EPS8L2: variants seen among roughly 807,000 people sequenced by gnomAD.
The protein encoded by EPS8L2 is epidermal growth factor receptor kinase substrate 8-like protein 2.
In EPS8L2, 81 loss-of-function variants were observed where a neutral mutation model predicts 99.4. That is an observed-to-expected ratio of 0.82 (90% CI 0.68 to 0.98). The LOEUF (loss-of-function observed/expected upper bound fraction) is 0.98, where lower values mean the gene tolerates loss of function less well. EPS8L2 is among the 50% of genes least tolerant of loss of function. EPS8L2 has a pLI of 0.00. For missense variants in EPS8L2, 1,155 were observed against 968.8 expected, an observed-to-expected ratio of 1.19 and a Z score of -2.55; for synonymous variants, 509 against 407.3, an observed-to-expected ratio of 1.25 and a Z score of -3.01.
intron 7 of EPS8L2, 25 bp from the exon 8 acceptor site, chr11:721,039 T>C: frequency 7.7e-7 from 1 of 1,294,590 alleles, no homozygotes. Flanking sequence ...CCGGCGGGGC[T>C]GAGCAGGACC....
chr11:710,223 C>G, intron 3 of EPS8L2, 199 bp from the exon 4 acceptor site: 1 of 585,874 alleles, frequency 1.7e-6, no homozygotes, highest in Non-Finnish European at 3.1e-6. Flanking sequence ...GCGTCCTTCT[C>G]CAAGGGGGCT....
chr11:722,200 G>A (rs1321813428), intron 12 of EPS8L2, 35 bp downstream of exon 12: 3 of 1,603,886 alleles, frequency 1.9e-6, no homozygotes, highest in African/African-American at 2.7e-5. Context: ...CGCGCAGGGT[G>A]GGGGCCCAGA....
rs749248354 is a variant in EPS8L2, at chr11:723,241, G to A, written c.1342G>A (p.Val448Met). The change falls in exon 15 of 21, where the codon GTG (valine) becomes ATG (methionine). Residue 448 changes from valine (V) to methionine (M), a missense_variant and splice_region_variant. Coordinates refer to ENST00000318562, the MANE Select transcript of EPS8L2 (RefSeq NM_022772.4). ...CTCAGGTCGCCCACCTTCCCCACAG[G>A]TGAGTCCAGTGAGCCGACAGTCCAT... ...EGLASAPIEEVSPVSRQSIRN... is the reference protein window; with the variant it reads ...EGLASAPIEEMSPVSRQSIRN... The A allele has an allele frequency of 1.3e-6, 2 of 1,595,356 alleles. No individual in the cohort carries two copies. Among genetic ancestry groups the A allele is most frequent in the African/African-American group, 1.4e-5 (1 of 73,708 alleles).
chr11:713,720 A>G (rs1157752096), intron 4 of EPS8L2, among the ~76,000 whole-genome samples: 2 of 152,204 alleles, frequency 1.3e-5, no homozygotes, highest in African/African-American at 4.8e-5. Flanking sequence ...AATTTTTTAT[A>G]TCTTTAGCAG....
Position 720,759 on chromosome 11 carries a change from C to CGGGCGGGGCA in EPS8L2, c.477+17_477+26dup. ...CGATGAGGTGGAGGTGAGGCGGTGC[C>CGGGCGGGGCA]GGGCGGGGCAGGGTGGGGCCCCGCC... On this transcript the variant is annotated intron_variant, in intron 6 of 20. Coordinates refer to ENST00000318562, the MANE Select transcript of EPS8L2 (RefSeq NM_022772.4). The CGGGCGGGGCA allele has an allele frequency of 9.8e-7, 1 of 1,022,920 alleles. No individual in the cohort carries two copies. Among genetic ancestry groups the CGGGCGGGGCA allele is most frequent in the Non-Finnish European group, 1.4e-6 (1 of 731,342 alleles). 63.4% of individuals were successfully genotyped at this position (1,022,920 alleles called of 1,614,324 possible).
chr11:726,045 G>A (rs1862307913), intron 17 of EPS8L2, 53 bp from the exon 18 acceptor site: 1 of 1,356,578 alleles, frequency 7.4e-7, no homozygotes, highest in Non-Finnish European at 1.0e-6. Context: ...CCGGGCAGGT[G>A]CTGGGAGGCG....
chr11:721,737 A>AGCAGGTGCAGGGGACAGGGACGGGGCCG (rs1862182041), intron 10 of EPS8L2, 46 bp downstream of exon 10: 1 of 1,274,130 alleles, frequency 7.8e-7, no homozygotes, highest in African/African-American at 2.4e-5. Flanking sequence ...GGACGGGGCC[A>AGCAGGTGCAGGGGACAGGGACGGGGCCG]GCAGGTGCAG....
chr11:726,964 A>T lies in EPS8L2; in HGVS notation c.2131A>T (p.Arg711Trp). The change falls in exon 21 of 21, where the codon AGG becomes TGG. Residue 711 changes from arginine (R) to tryptophan (W), a missense_variant. Transcript: ENST00000318562. ...MNKFHSMNQR[R>W]GEDS The stretch of plus-strand genomic sequence containing the variant: ...CAAGTTTCATTCCATGAATCAGAGG[A>T]GGGGGGAGGACAGCTAGGCCCAGCT... 1 of 1,613,120 alleles carries T rather than the reference A, an allele frequency of 6.2e-7. No individual in the cohort carries two copies. The highest frequency in any genetic ancestry group is 8.5e-7 in the Non-Finnish European group (1 of 1,179,776).
rs746241680 is a variant in EPS8L2 at position 725,720 on chromosome 11, C to T, written c.1561-8C>T. 1.6e-5 allele frequency: 21 copies of T among 1,317,314 alleles called. No homozygotes were observed. Among genetic ancestry groups the T allele is most frequent in the Non-Finnish European group, 2.0e-5 (21 of 1,035,388 alleles). The allele number at this position is 1,317,314 out of a possible 1,614,324, so 81.6% of individuals were successfully genotyped here. ...GGTGTGGGGAGGGGCTGACGGCGCG[C>T]CCCGCAGGTGCTGGAGGACGGCCGG... On this transcript the variant is annotated splice_region_variant and splice_polypyrimidine_tract_variant and intron_variant, in intron 16 of 20. Transcript: ENST00000318562.
In EPS8L2 at chr11:709,329, G is replaced by C. The variant is rs1034477756; in HGVS notation, c.-78-1G>C. ...TCAGCGCAGCCCTTCTGTCCACCCAGGTGTGGGACAGGCACTGGCCTCAGA... is the reference window on the plus strand; with the variant it reads ...TCAGCGCAGCCCTTCTGTCCACCCACGTGTGGGACAGGCACTGGCCTCAGA... On this transcript the variant is annotated splice_acceptor_variant, in intron 1 of 20. Transcript: ENST00000318562. LOFTEE classifies it low-confidence loss of function (5UTR_SPLICE). The C allele has an allele frequency of 2.0e-6, 3 of 1,482,668 alleles. No homozygotes were observed. The highest frequency in any genetic ancestry group is 2.8e-6 in the Non-Finnish European group (3 of 1,088,754). 91.8% of individuals were successfully genotyped at this position (1,482,668 alleles called of 1,614,324 possible).
intron 4 of EPS8L2, among the ~76,000 whole-genome samples, chr11:715,200 C>T (rs1401353989): frequency 3.3e-5 from 5 of 151,844 alleles, no homozygotes; most frequent in African/African-American, 9.7e-5. Flanking sequence ...TGAGATTGCG[C>T]CACTGCACTC....
Position 722,165 on chromosome 11 carries a change from G to C in EPS8L2, c.1059G>C (p.Leu353=), listed in dbSNP as rs1192316939. The C allele has an allele frequency of 6.2e-6, 10 of 1,611,870 alleles. No individual in the cohort carries two copies. Among genetic ancestry groups the C allele is most frequent in the African/African-American group, 1.3e-5 (1 of 74,922 alleles). The change falls in exon 12 of 21, where the codon CTG becomes CTC. Residue 353 remains leucine, a splice_region_variant and synonymous_variant. Transcript: ENST00000318562. The part of the protein sequence containing the change: ...LVHFLFGPLD[L]IVNTCSGPDI... The stretch of plus-strand genomic sequence containing the variant: ...ACTTCCTCTTCGGGCCTCTGGACCT[G>C]GTGCCTGGGGCCGGGCGGCAGGGGC...
In EPS8L2 at chr11:723,332, T is replaced by C; in HGVS notation, c.1433T>C (p.Val478Ala). The change falls in exon 15 of 21, where the codon GTC becomes GCC. Residue 478 changes from valine to alanine, a missense_variant. Physicochemically the swap from Val to Ala is moderately conservative, Grantham distance 64. Transcript: ENST00000318562. Reference protein sequence around the residue: ...PTPPGDALPPVSSPHTHRGYQ... With the variant: ...PTPPGDALPPASSPHTHRGYQ... Reference sequence around the variant, plus strand: ...CCCCCGGGGGATGCCCTACCACCAGTCAGCTCCCCACATACTCACAGGTAA... The same window carrying C: ...CCCCCGGGGGATGCCCTACCACCAGCCAGCTCCCCACATACTCACAGGTAA... 6.3e-7 allele frequency: 1 copy of C among 1,578,478 alleles called. No homozygotes were observed. Among genetic ancestry groups the C allele is most frequent in the Non-Finnish European group, 8.6e-7 (1 of 1,158,306 alleles).
At position 722,104 on chromosome 11, in the gene EPS8L2, A is replaced by G; in HGVS notation, c.998A>G (p.Lys333Arg). The G allele has an allele frequency of 1.2e-6, 2 of 1,613,108 alleles. No homozygotes were observed. Among genetic ancestry groups the G allele is most frequent in the South Asian group, 1.1e-5 (1 of 91,082 alleles). The change falls in exon 12 of 21, where the codon AAG (lysine) becomes AGG (arginine). Residue 333 changes from lysine (K) to arginine (R), a missense_variant. By Grantham distance (26) the Lys-to-Arg change is conservative. Transcript: ENST00000318562. ...TCCCACCCCCAGGCAAAGCTGCAGA[A>G]GCACATCCAGAACCCCAGCGCCGCG... Reference protein sequence around the residue: ...LAINLLAKLQKHIQNPSAAEL... With the variant: ...LAINLLAKLQRHIQNPSAAEL...
At chr11:721,730 C>T (rs769947056) in intron 10 of EPS8L2, 39 bp downstream of exon 10, 37 of 1,275,084 alleles carry the variant, frequency 2.9e-5, no homozygotes, top group Non-Finnish European at 3.4e-5. Flanking sequence ...GTGCAGGGGA[C>T]GGGGCCAGCA....
intron 20 of EPS8L2, 43 bp from the exon 21 acceptor site, chr11:726,858 C>G (rs1447453117): frequency 6.2e-5 from 99 of 1,598,748 alleles, no homozygotes; most frequent in Non-Finnish European, 8.4e-5. Flanking sequence ...CACCCAGACA[C>G]GTGGGACCCC....
chr11:715,205 G>A (rs934205543), intron 4 of EPS8L2, among the ~76,000 whole-genome samples: 17 of 151,682 alleles, frequency 1.1e-4, no homozygotes, highest in East Asian at 3.9e-4. Flanking sequence ...TTGCGCCACT[G>A]CACTCCAGCC....
intron 4 of EPS8L2, among the ~76,000 whole-genome samples, chr11:711,142 A>G (rs1489533008): frequency 6.6e-6 from 1 of 152,080 alleles, no homozygotes; most frequent in Non-Finnish European, 1.5e-5. Context: ...GGCTGCCTGC[A>G]CGCGCCGGAC....
At position 724,799 on chromosome 11, in the gene EPS8L2, G is replaced by A; in HGVS notation, c.1530G>A (p.Glu510=). 1 of 1,613,534 alleles carries A rather than the reference G, an allele frequency of 6.2e-7. No homozygotes were observed. The highest frequency in any genetic ancestry group is 8.5e-7 in the Non-Finnish European group (1 of 1,179,866). Reference sequence around the variant, plus strand: ...ACTTCACAGCCCGAAATGCCAACGAGCTATCGGTGCTCAAGGATGAGGTCC... The same window carrying A: ...ACTTCACAGCCCGAAATGCCAACGAACTATCGGTGCTCAAGGATGAGGTCC... The part of the protein sequence containing the change: ...LYDFTARNAN[E]LSVLKDEVLE... The change falls in exon 16 of 21, where the codon GAG becomes GAA. Residue 510 remains glutamate (E), a synonymous_variant. Transcript: ENST00000318562. This position sits in a 1 kb window ranked among gnomAD's most constrained non-coding sequence, Gnocchi z 5.5.
Sources: allele counts gnomAD v4.1 joint callset (sites outside exome capture counted in the v4.1 genomes callset), GRCh38; gene constraint gnomAD v4.1.1; non-coding constraint Gnocchi (gnomAD v3.1); transcripts MANE v1.5; gene names NCBI Gene and HGNC (gene_info 2026-07-23, HGNC 2026-07-21).